Variants in PRICKLE2 observed in about 807,000 individuals in gnomAD.
PRICKLE2 encodes the protein prickle-like protein 2.
Under a neutral mutation model 81.4 loss-of-function variants are expected in PRICKLE2, and 21 were observed. That is an observed-to-expected ratio of 0.26 (90% CI 0.18 to 0.37). The LOEUF is 0.37. PRICKLE2 is among the 10% of genes least tolerant of loss of function. PRICKLE2 has a pLI of 1.00. For missense variants in PRICKLE2, 940 were observed against 1,109.0 expected (o/e 0.85, Z 2.16); for synonymous variants, 456 against 421.5 (o/e 1.08, Z -1.00).
At chr3:64,136,149 C>T (rs938027472) in intron 7 of PRICKLE2, among the ~76,000 whole-genome samples, 1 of 152,074 alleles carries the variant, frequency 6.6e-6, no homozygotes, top group Non-Finnish European at 1.5e-5. Context: ...TCAAGGACAT[C>T]TTCAGAAATT....
chr3:64,208,184 T>C (rs1171710150), intron 1 of PRICKLE2, among the ~76,000 whole-genome samples: 1 of 152,164 alleles, frequency 6.6e-6, no homozygotes, highest in Non-Finnish European at 1.5e-5. Flanking sequence ...GAAAGGACAG[T>C]GGCTGTTGTT....
Position 64,258,893 on chromosome 3 carries a change from G to GAAAGAAAGAAAGAAAGAAAT in PRICKLE2, c.129-59927_129-59926insATTTCTTTCTTTCTTTCTTT, listed in dbSNP as rs796940955. Among the ~76,000 whole-genome samples the GAAAGAAAGAAAGAAAGAAAT allele has an allele frequency of 1.4e-3, 201 of 140,590 alleles. 7 individuals are homozygous for GAAAGAAAGAAAGAAAGAAAT. The highest frequency in any genetic ancestry group is 4.1e-3 in the African/African-American group (145 of 35,702). 92.2% of individuals were successfully genotyped at this position (140,590 alleles called of 152,430 possible). A position where few individuals can be genotyped will look rare whatever the true frequency, so the allele number is the denominator to read the frequency against. ...AGAAAGAAAGAAAGAAAGAAAGAAA[G>GAAAGAAAGAAAGAAAGAAAT]AAATCAGGAGAGTGGTTAGAATTAA... On this transcript the variant is annotated intron_variant, in intron 2 of 8. Transcript: ENST00000295902.
intron 7 of PRICKLE2, among the ~76,000 whole-genome samples, chr3:64,141,508 C>T (rs77915341): frequency 0.062 from 9,425 of 152,288 alleles, 324 homozygotes; most frequent in South Asian, 0.093. Flanking sequence ...GCTATGATTA[C>T]GCAGGCTGCA....
At chr3:64,254,585 T>A (rs967739948) in intron 2 of PRICKLE2, among the ~76,000 whole-genome samples, 4 of 152,226 alleles carry the variant, frequency 2.6e-5, no homozygotes. Context: ...ATTATACATT[T>A]GACCAACAAT....
At chr3:64,223,166 C>T (rs541748119) in intron 1 of PRICKLE2, among the ~76,000 whole-genome samples, 1 of 152,250 alleles carries the variant, frequency 6.6e-6, no homozygotes, top group South Asian at 2.1e-4. Context: ...TTTTTAGCAA[C>T]AACACTTATA....
chr3:64,142,918 T>A (rs1457078168), intron 7 of PRICKLE2, among the ~76,000 whole-genome samples: 3 of 152,216 alleles, frequency 2.0e-5, no homozygotes, highest in Non-Finnish European at 4.4e-5. Context: ...AGAGTTTAAG[T>A]GACTTGTTCA....
chr3:64,100,716 C>G (rs1247899284), intron 7 of PRICKLE2: 1 of 152,184 alleles, frequency 6.6e-6, no homozygotes, highest in Non-Finnish European at 1.5e-5. Context: ...TAACTGCTGT[C>G]AAATGAGCTC....
intron 7 of PRICKLE2, among the ~76,000 whole-genome samples, chr3:64,123,733 T>C (rs1022116274): frequency 6.6e-6 from 1 of 152,214 alleles, no homozygotes; most frequent in Non-Finnish European, 1.5e-5. Context: ...TGGGATATCA[T>C]GAATTGCACC....
intron 2 of PRICKLE2, among the ~76,000 whole-genome samples, chr3:64,235,192 T>C (rs891698470): frequency 5.9e-5 from 9 of 152,236 alleles, no homozygotes; most frequent in East Asian, 1.9e-4. Flanking sequence ...CCAGTTATTA[T>C]ACTTTTCAAC....
At position 64,147,374 on chromosome 3, in the gene PRICKLE2, C is replaced by T; in HGVS notation, c.1116G>A (p.Leu372=). The stretch of plus-strand genomic sequence containing the variant: ...GGCTGAGCATGTCCATCTGCAGTGA[C>T]AGGGGGTCTACGTCGGCTGACAGCC... ...SNRLSADVDP[L]SLQMDMLSLS... Residue 372 remains leucine (L), a synonymous_variant, in exon 7 of 8, where the codon CTG becomes CTA. Coordinates refer to ENST00000638394, the MANE Select transcript of PRICKLE2 (RefSeq NM_198859.4). The surrounding 1 kb of genome is among the most constrained non-coding windows in gnomAD (Gnocchi z 5.0). 7 of 1,614,230 alleles carry T rather than the reference C, an allele frequency of 4.3e-6. No homozygotes were observed. Among genetic ancestry groups the T allele is most frequent in the Non-Finnish European group, 5.9e-6 (7 of 1,180,046 alleles).
chr3:64,166,857 C>T (rs907536915), intron 2 of PRICKLE2, among the ~76,000 whole-genome samples: 9 of 152,174 alleles, frequency 5.9e-5, no homozygotes, highest in African/African-American at 1.4e-4. Context: ...AGGAGAAAAA[C>T]GCATCCCTCT....
chr3:64,252,527 T>A (rs1350732986), intron 2 of PRICKLE2, among the ~76,000 whole-genome samples: 3 of 152,144 alleles, frequency 2.0e-5, no homozygotes, highest in Non-Finnish European at 4.4e-5. Context: ...TAAAAAGTGG[T>A]TTCCTCCATG....
intron 5 of PRICKLE2, 112 bp downstream of exon 5, chr3:64,157,049 GA>G: frequency 1.0e-6 from 1 of 1,000,248 alleles, no homozygotes; most frequent in East Asian, 2.4e-5. Context: ...GTTAATGCAA[GA>G]AAATGAAGTT....
intron 3 of PRICKLE2, 74 bp from the exon 4 acceptor site, chr3:64,160,151 G>C: frequency 6.6e-7 from 1 of 1,515,784 alleles, no homozygotes; most frequent in South Asian, 1.1e-5. Flanking sequence ...ATGACTCTGA[G>C]TTTTCTCGTT....
chr3:64,198,358 C>G lies in PRICKLE2; in HGVS notation c.144+426G>C, dbSNP rs148664324. 4.1e-4 allele frequency among the ~76,000 whole-genome samples: 62 copies of G among 152,176 alleles called. 1 individual carries two copies. The East Asian group carries it at 0.01, about 26-fold the overall frequency. On this transcript the variant is annotated intron_variant, in intron 2 of 7. Transcript: ENST00000638394. Reference sequence around the variant, plus strand: ...AATTTTATGTGTCAGAGGAAGTCAACAGTGGTCAAACACTTCAGATTCTGG... The same window carrying G: ...AATTTTATGTGTCAGAGGAAGTCAAGAGTGGTCAAACACTTCAGATTCTGG...
At position 64,099,127 on chromosome 3, in the gene PRICKLE2, T is replaced by C. The variant is rs138533058; in HGVS notation, c.2459A>G (p.Lys820Arg). The change falls in exon 8 of 8, where the codon AAA (lysine) becomes AGA (arginine). Residue 820 changes from lysine (K) to arginine (R), a missense_variant. By Grantham distance (26) the Lys-to-Arg change is conservative (BLOSUM62 2). Transcript: ENST00000638394. This position sits in a 1 kb window ranked among gnomAD's most constrained non-coding sequence, Gnocchi z 4.3. The stretch of plus-strand genomic sequence containing the variant: ...TCCTCTGCCACCTAATGTGGAAGAT[T>C]TGGGGAGGCCGTAGGAGCTGTATTT... ...LHKYSSYGLPKSSTLGGRGQL... is the reference protein window; with the variant it reads ...LHKYSSYGLPRSSTLGGRGQL... 4.5e-5 allele frequency: 73 copies of C among 1,614,102 alleles called. 1 individual carries two copies. The highest frequency in any genetic ancestry group is 1.6e-4 in the Middle Eastern group (1 of 6,084).
At chr3:64,256,697 G>A (rs1241035530) in intron 2 of PRICKLE2, among the ~76,000 whole-genome samples, 1 of 152,114 alleles carries the variant, frequency 6.6e-6, no homozygotes, top group Non-Finnish European at 1.5e-5. Flanking sequence ...ACTCTTTGTT[G>A]ACTTAAAGAG....
intron 2 of PRICKLE2, among the ~76,000 whole-genome samples, chr3:64,185,432 C>T (rs1216426948): frequency 3.9e-5 from 6 of 152,152 alleles, no homozygotes; most frequent in Admixed American, 6.5e-5. Flanking sequence ...ACTTTTGTAC[C>T]ACTCTAATAA....
In PRICKLE2 at chr3:64,092,274, A is replaced by T. The variant is rs1251906591; in HGVS notation, c.*6777T>A. 1 of 152,240 alleles carries T rather than the reference A, an allele frequency of 6.6e-6. No homozygotes were observed. Among genetic ancestry groups the T allele is most frequent in the African/African-American group, 2.4e-5 (1 of 41,458 alleles). The allele number at this position is 152,240 out of a possible 1,614,324, so 9.4% of individuals were successfully genotyped here. A position where few individuals can be genotyped will look rare whatever the true frequency, so the allele number is the denominator to read the frequency against. On this transcript the variant is annotated 3_prime_UTR_variant, in exon 8 of 8. Coordinates refer to ENST00000638394, the MANE Select transcript of PRICKLE2 (RefSeq NM_198859.4). ...TTCAAGTTTTTATTCAAAAGCTCTT[A>T]GAATGTCTTACAATGAAACAACTCT...
Sources: gnomAD v4.1 joint callset for allele counts (sites outside exome capture counted in the v4.1 genomes callset) on GRCh38, gnomAD v4.1.1 for gene constraint, Gnocchi (gnomAD v3.1) non-coding constraint, MANE v1.5 for transcripts, NCBI Gene and HGNC (gene_info 2026-07-23, HGNC 2026-07-21) for gene names.